The following MTR variants were observed in gnomAD, a reference collection of about 807,000 sequenced individuals.
The protein encoded by MTR is methionine synthase.
MTR carries 84 observed loss-of-function variants against 154.8 expected under a neutral mutation model. The observed-to-expected ratio is 0.54, with a 90% CI of 0.45 to 0.65. MTR has a LOEUF of 0.65. Ranked by LOEUF, MTR falls within the 30% of genes least tolerant of loss-of-function variation. The pLI is 0.00. For synonymous variants in MTR, 554 were observed against 553.9 expected (o/e 1.00, Z 0.00); for missense variants, 1,275 against 1,570.2 (o/e 0.81, Z 3.18).
Position 236,825,408 on chromosome 1 carries a change from T to TC in MTR, c.927+14dup. 6.2e-7 allele frequency: 1 copy of TC among 1,609,114 alleles called. No homozygotes were observed. Among genetic ancestry groups the TC allele is most frequent in the Non-Finnish European group, 8.5e-7 (1 of 1,175,706 alleles). On this transcript the variant is annotated intron_variant, in intron 10 of 32. Transcript: ENST00000366577. Reference sequence around the variant, plus strand: ...TGGCCAAGCACCTAAAGGTCAGGGGTCCCCCTTTCACTGGCTTTTTAAGAG... The same window carrying TC: ...TGGCCAAGCACCTAAAGGTCAGGGGTCCCCCCTTTCACTGGCTTTTTAAGAG...
At chr1:236,888,683 TC>T (rs1258263351) in intron 27 of MTR, among the ~76,000 whole-genome samples, 1 of 152,214 alleles carries the variant, frequency 6.6e-6, no homozygotes, top group Non-Finnish European at 1.5e-5. Flanking sequence ...TGTCCCTTCC[TC>T]CCCTGCAGAA....
intron 30 of MTR, chr1:236,895,155 G>A: frequency 3.1e-6 from 2 of 648,670 alleles, no homozygotes; most frequent in South Asian, 1.9e-5. Flanking sequence ...CTCAGGTTGA[G>A]GCCAAAATTG....
At chr1:236,853,398 A>G (rs993700147) in intron 18 of MTR, among the ~76,000 whole-genome samples, 6 of 152,228 alleles carry the variant, frequency 3.9e-5, no homozygotes, top group Non-Finnish European at 8.8e-5. Context: ...CTGGTAAGCA[A>G]AGGAAGAAAA....
At chr1:236,877,898 T>TG (rs1414863013) in intron 24 of MTR, among the ~76,000 whole-genome samples, 1 of 152,246 alleles carries the variant, frequency 6.6e-6, no homozygotes, top group Non-Finnish European at 1.5e-5. Context: ...TCCCTTGTCA[T>TG]GGGTGTAGTA....
rs560526191 is a variant in MTR, at chr1:236,795,395, G to A, written c.-309G>A. ...TTTCTCTTGGGTCCTTTTCCGTGCC[G>A]TCCCGCGACTCCGCCTCTGGCCGCG... On this transcript the variant is annotated 5_prime_UTR_variant, in exon 1 of 33. Coordinates refer to ENST00000366577, the MANE Select transcript of MTR (RefSeq NM_000254.3). 394 of 1,428,972 alleles carry A rather than the reference G, an allele frequency of 2.8e-4. 1 individual carries two copies. The highest frequency in any genetic ancestry group is 3.5e-4 in the Non-Finnish European group (379 of 1,078,464). 88.5% of individuals were successfully genotyped at this position (1,428,972 alleles called of 1,614,324 possible). A position where few individuals can be genotyped will look rare whatever the true frequency, so the allele number is the denominator to read the frequency against.
intron 22 of MTR, among the ~76,000 whole-genome samples, chr1:236,864,690 A>G (rs1183039428): frequency 3.3e-5 from 5 of 152,234 alleles, no homozygotes; most frequent in African/African-American, 4.8e-5. Context: ...TTCGCTTCCT[A>G]AAGTCTACAA....
intron 15 of MTR, among the ~76,000 whole-genome samples, chr1:236,848,485 T>C (rs1275672811): frequency 1.3e-5 from 2 of 152,132 alleles, no homozygotes; most frequent in Non-Finnish European, 1.5e-5. Context: ...GGGTAGACTT[T>C]AAAAGTTCAA....
rs2147922731 is a variant in MTR at position 236,886,369 on chromosome 1, T to G, written c.2851+2T>G. 3 of 1,613,980 alleles carry G rather than the reference T, an allele frequency of 1.9e-6. No individual in the cohort carries two copies. The highest frequency in any genetic ancestry group is 2.5e-6 in the Non-Finnish European group (3 of 1,179,888). On this transcript the variant is annotated splice_donor_variant, in intron 27 of 32. Coordinates refer to ENST00000366577, the MANE Select transcript of MTR (RefSeq NM_000254.3). LOFTEE classifies it high-confidence loss of function. Reference sequence around the variant, plus strand: ...ATTGGCTGTCTGAACCTCACCCAGGTCTGTTTGGCTATGGACTAGAGAAAG... The same window carrying G: ...ATTGGCTGTCTGAACCTCACCCAGGGCTGTTTGGCTATGGACTAGAGAAAG...
At chr1:236,829,827 C>T (rs554638616) in intron 12 of MTR, among the ~76,000 whole-genome samples, 26 of 152,140 alleles carry the variant, frequency 1.7e-4, no homozygotes, top group Non-Finnish European at 2.9e-4. Context: ...AAACAAGGAC[C>T]GTTAGTAAAC....
rs141500046 is a variant in MTR at position 236,822,103 on chromosome 1, A to T, written c.765-2016A>T. ...TGATATTCACAAAGTAACTGCTGGG[A>T]TTTTCATTGGGATTCTGTTGAATAT... is the stretch of plus-strand genomic sequence containing the variant. On this transcript the variant is annotated intron_variant, in intron 8 of 32. Transcript: ENST00000366577. 4.2e-3 allele frequency among the ~76,000 whole-genome samples: 632 copies of T among 152,136 alleles called. 4 individuals carry two copies. The highest frequency in any genetic ancestry group is 0.014 in the African/African-American group (592 of 41,510).
At position 236,826,871 on chromosome 1, in the gene MTR, T is replaced by C. The variant is rs1443126908; in HGVS notation, c.970T>C (p.Cys324Arg). The C allele has an allele frequency of 6.2e-7, 1 of 1,614,140 alleles. No homozygotes were observed. Among genetic ancestry groups the C allele is most frequent in the Non-Finnish European group, 8.5e-7 (1 of 1,179,986 alleles). The change falls in exon 11 of 33, where the codon TGT (cysteine) becomes CGT (arginine). Residue 324 changes from cysteine (C) to arginine (R), a missense_variant. Physicochemically the swap from Cys to Arg is radical, Grantham distance 180. Coordinates refer to ENST00000366577, the MANE Select transcript of MTR (RefSeq NM_000254.3). The part of the protein sequence containing the change: ...DGLVNIVGGC[C>R]GSTPDHIREI... The stretch of plus-strand genomic sequence containing the variant: ...CTTGGTCAATATAGTTGGAGGATGC[T>C]GTGGGTCAACACCAGATCATATCAG...
At chr1:236,861,682 G>A (rs960022907) in intron 20 of MTR, among the ~76,000 whole-genome samples, 6 of 152,074 alleles carry the variant, frequency 3.9e-5, no homozygotes, top group African/African-American at 7.2e-5. Context: ...TTTAAATGAC[G>A]GTACATTAAG....
chr1:236,821,940 A>G (rs760215625), intron 8 of MTR, among the ~76,000 whole-genome samples: 1 of 152,054 alleles, frequency 6.6e-6, no homozygotes, highest in Non-Finnish European at 1.5e-5. Flanking sequence ...CCAATTCCAC[A>G]TTGTCTTGAT....
intron 21 of MTR, 50 bp downstream of exon 21, chr1:236,862,393 G>T (rs372879893): frequency 4.3e-5 from 64 of 1,481,406 alleles, no homozygotes; most frequent in Non-Finnish European, 5.9e-5. Context: ...TGACCTGGAA[G>T]ACTTGAGGTG....
At chr1:236,833,423 G>A (rs1272326573) in intron 13 of MTR, among the ~76,000 whole-genome samples, 1 of 152,188 alleles carries the variant, frequency 6.6e-6, no homozygotes, top group Non-Finnish European at 1.5e-5. Flanking sequence ...AATCATCACA[G>A]CCTGGTGGAG....
intron 22 of MTR, among the ~76,000 whole-genome samples, chr1:236,870,873 C>T (rs771693199): frequency 3.3e-5 from 5 of 152,300 alleles, no homozygotes; most frequent in African/African-American, 7.2e-5. Context: ...GAAACTCTTG[C>T]GTCATCCTCT....
intron 15 of MTR, among the ~76,000 whole-genome samples, chr1:236,839,339 C>G (rs1362154910): frequency 1.3e-5 from 2 of 151,756 alleles, no homozygotes; most frequent in East Asian, 3.9e-4. Context: ...AGCAAAACAC[C>G]CCAGTCAACC....
In MTR at chr1:236,902,579, GCAGGGGCCCTGCCT is replaced by G. The variant is rs55929344; in HGVS notation, c.*4937_*4950del. On this transcript the variant is annotated 3_prime_UTR_variant, in exon 33 of 33. Coordinates refer to ENST00000366577, the MANE Select transcript of MTR (RefSeq NM_000254.3). ...GAGCAGACTGTAAAGCCTCATGAGG[GCAGGGGCCCTGCCT>G]CTTCCTGAGCTCAGGATACCCAGAG... is the stretch of plus-strand genomic sequence containing the variant. 5,646 of 152,284 alleles carry G rather than the reference GCAGGGGCCCTGCCT, an allele frequency of 0.037. 147 individuals are homozygous for G. The highest frequency in any genetic ancestry group is 0.057 in the Non-Finnish European group (3,886 of 68,032). The allele number at this position is 152,284 out of a possible 1,614,324, so 9.4% of individuals were successfully genotyped here.
At chr1:236,815,134 G>T (rs922586857) in intron 6 of MTR, among the ~76,000 whole-genome samples, 2 of 152,126 alleles carry the variant, frequency 1.3e-5, no homozygotes, top group African/African-American at 4.8e-5. Flanking sequence ...TACCTACCAT[G>T]TGTATGAAAG....
Sources: gnomAD v4.1 joint callset for allele counts (sites outside exome capture counted in the v4.1 genomes callset) on GRCh38, gnomAD v4.1.1 for gene constraint, MANE v1.5 for transcripts, NCBI Gene and HGNC (gene_info 2026-07-23, HGNC 2026-07-21) for gene names.